The following SLC9A6 variants were observed in gnomAD, a reference collection of about 807,000 sequenced individuals.
The protein encoded by SLC9A6 is sodium/hydrogen exchanger 6.
A neutral mutation model predicts 45.3 loss-of-function variants in SLC9A6; 6 were observed. The ratio of observed to expected loss-of-function variants is 0.13; its 90% CI spans 0.07 to 0.26. The LOEUF (loss-of-function observed/expected upper bound fraction) is 0.26, where lower values mean the gene tolerates loss of function less well. Among genes scored for constraint, SLC9A6 ranks in the 10% least tolerant of loss-of-function variants. SLC9A6 has a pLI of 1.00. For missense variants in SLC9A6, 278 were observed against 503.7 expected (o/e 0.55, Z 4.29); for synonymous variants, 191 against 187.7 (o/e 1.02, Z -0.14).
chrX:135,990,050 A>C (rs1305629069), intron 2 of SLC9A6, among the ~76,000 whole-genome samples: 1 of 111,524 alleles, frequency 9.0e-6, no homozygotes, highest in Non-Finnish European at 1.9e-5. Flanking sequence ...CAGTGGCGCT[A>C]TCTCGGCTCA....
intron 15 of SLC9A6, chrX:136,033,187 T>C (rs1437775358): frequency 2.0e-5 from 5 of 248,470 alleles, no homozygotes; most frequent in Non-Finnish European, 3.7e-5. Flanking sequence ...TAAGTGAGAG[T>C]AGATTCGTAA....
intron 16 of SLC9A6, among the ~76,000 whole-genome samples, chrX:136,037,849 C>T (rs1477494427): frequency 8.9e-6 from 1 of 112,717 alleles, no homozygotes; most frequent in Admixed American, 9.3e-5. Context: ...GGATTACAGG[C>T]GTGAGCCACT....
chrX:135,997,878 T>C (rs782775744), intron 3 of SLC9A6, among the ~76,000 whole-genome samples: 1 of 112,039 alleles, frequency 8.9e-6, no homozygotes, highest in Non-Finnish European at 1.9e-5. Context: ...CATAGTATTT[T>C]AATACACTTT....
chrX:136,010,429 C>G lies in SLC9A6; in HGVS notation c.744-13C>G. On this transcript the variant is annotated splice_polypyrimidine_tract_variant and intron_variant, in intron 7 of 17. Transcript: ENST00000630721. The stretch of plus-strand genomic sequence containing the variant: ...GGTTGTTTTCAGAAGTAAAAGCAGT[C>G]TCTCTTCTGTAGCTCAATAGTGGCA... 8.3e-7 allele frequency: 1 copy of G among 1,209,007 alleles called. No homozygotes were observed. Among genetic ancestry groups the G allele is most frequent in the Non-Finnish European group, 1.1e-6 (1 of 893,343 alleles).
intron 1 of SLC9A6, among the ~76,000 whole-genome samples, chrX:135,976,527 A>G (rs1235092552): frequency 9.2e-6 from 1 of 108,441 alleles, no homozygotes; most frequent in Non-Finnish European, 1.9e-5. Flanking sequence ...GCTTGAACCC[A>G]GGAGGCGGAG....
intron 10 of SLC9A6, among the ~76,000 whole-genome samples, chrX:136,014,184 T>A (rs781830990): frequency 8.9e-6 from 1 of 112,400 alleles, no homozygotes; most frequent in South Asian, 3.7e-4. Context: ...GGTTTAAATT[T>A]TGCCAAATGA....
intron 1 of SLC9A6, among the ~76,000 whole-genome samples, chrX:135,979,370 A>G (rs781813000): frequency 2.7e-5 from 3 of 111,585 alleles, no homozygotes; most frequent in East Asian, 2.8e-4. Context: ...TCAAAAATCC[A>G]TCACTGGTCC....
At chrX:136,026,120 G>T (rs1450681222) in intron 13 of SLC9A6, among the ~76,000 whole-genome samples, 8 of 111,988 alleles carry the variant, frequency 7.1e-5, no homozygotes, top group Admixed American at 6.6e-4. Flanking sequence ...TATAGTCTTA[G>T]GTTACTTCTT....
At chrX:136,030,068 A>T (rs189104508) in intron 14 of SLC9A6, 64 bp from the exon 15 acceptor site, 17 of 1,001,506 alleles carry the variant, frequency 1.7e-5, no homozygotes, top group Non-Finnish European at 2.1e-5. Context: ...CTGACAATGT[A>T]TATGTGTGAA....
At position 135,993,696 on chromosome X, in the gene SLC9A6, C is replaced by T. The variant is rs782820137; in HGVS notation, c.170-1090C>T. Among the ~76,000 whole-genome samples, 10 of 110,359 alleles carry T rather than the reference C, an allele frequency of 9.1e-5. No individual in the cohort carries two copies. The South Asian group carries it at 3.5e-3, about 39-fold the overall frequency. On this transcript the variant is annotated intron_variant, in intron 2 of 17. Transcript: ENST00000630721. ...ATCCCAGCTACTTGGGAGGCTGAGG[C>T]AGGATAATTGATTGGACCCGGGAGG... is the stretch of plus-strand genomic sequence containing the variant.
intron 7 of SLC9A6, among the ~76,000 whole-genome samples, chrX:136,006,580 A>C (rs781840879): frequency 9.2e-6 from 1 of 108,348 alleles, no homozygotes; most frequent in African/African-American, 3.4e-5. Context: ...TCCCTCATAC[A>C]TGGCTGCATG....
chrX:136,023,408 A>G (rs1160361644), intron 12 of SLC9A6, among the ~76,000 whole-genome samples: 1 of 105,357 alleles, frequency 9.5e-6, no homozygotes, highest in Non-Finnish European at 1.9e-5. Flanking sequence ...TCTGTCTCTC[A>G]GTGGTCAAAT....
chrX:136,040,320 A>AT, intron 17 of SLC9A6, 139 bp downstream of exon 17: 2 of 489,608 alleles, frequency 4.1e-6, no homozygotes, highest in East Asian at 7.4e-5. Flanking sequence ...ATTTAAGCAT[A>AT]TTTTGCTCAA....
At chrX:136,014,032 G>C (rs954770439) in intron 10 of SLC9A6, among the ~76,000 whole-genome samples, 18 of 111,842 alleles carry the variant, frequency 1.6e-4, no homozygotes, top group Non-Finnish European at 7.5e-5. Flanking sequence ...AGTTGTGCAG[G>C]GTATCTGAAG....
At chrX:136,006,851 C>T (rs1556618052) in intron 7 of SLC9A6, among the ~76,000 whole-genome samples, 1 of 111,115 alleles carries the variant, frequency 9.0e-6, no homozygotes, top group Non-Finnish European at 1.9e-5. Flanking sequence ...CCATTTCTAC[C>T]TATTCAATTA....
chrX:136,040,168 C>T lies in SLC9A6; in HGVS notation c.1754C>T (p.Pro585Leu). ...CCCATCGCCAGGTGCCTCACCAGCCCCCAGGCTTACGAAGTAAGTTGGTTT... is the reference window on the plus strand; with the variant it reads ...CCCATCGCCAGGTGCCTCACCAGCCTCCAGGCTTACGAAGTAAGTTGGTTT... ...CGPIARCLTS[P>L]QAYENQEQLK... The change falls in exon 17 of 18, where the codon CCC becomes CTC. Residue 585 changes from proline to leucine, a missense_variant. Pro to Leu is a moderately conservative substitution (Grantham distance 98). This residue lies in a region of SLC9A6 where 91 missense variants were observed against 125.1 expected (regional missense o/e 0.73). Coordinates refer to ENST00000630721, the MANE Select transcript of SLC9A6 (RefSeq NM_001379110.1). The T allele has an allele frequency of 8.3e-7, 1 of 1,205,323 alleles. No homozygotes were observed. Among genetic ancestry groups the T allele is most frequent in the Middle Eastern group, 2.4e-4 (1 of 4,112 alleles).
chrX:136,021,301 G>C (rs1321861779), intron 11 of SLC9A6, among the ~76,000 whole-genome samples: 1 of 111,263 alleles, frequency 9.0e-6, no homozygotes, highest in Non-Finnish European at 1.9e-5. Context: ...TTTCTGAACT[G>C]TAAACTCCCA....
At chrX:135,974,542 A>C (rs1176309218), upstream of SLC9A6, 1 of 303,153 alleles carries the variant, frequency 3.3e-6, no homozygotes, top group Admixed American at 3.4e-5. Context: ...CGTTGGGGAA[A>C]GGCGGTAGGT....
intron 14 of SLC9A6, chrX:136,029,502 A>C (rs1453974388): frequency 8.9e-6 from 1 of 112,660 alleles, no homozygotes; most frequent in Non-Finnish European, 1.9e-5. Flanking sequence ...GATGGAAAGG[A>C]GAGAAGACTT....
Sources: gnomAD v4.1 joint callset for allele counts (sites outside exome capture counted in the v4.1 genomes callset) on GRCh38, gnomAD v4.1.1 for gene constraint, gnomAD v4.1.1 regional missense constraint, MANE v1.5 for transcripts, NCBI Gene and HGNC (gene_info 2026-07-23, HGNC 2026-07-21) for gene names.